The following SCTR variants were observed in gnomAD, a reference collection of about 807,000 sequenced individuals.
The protein encoded by SCTR is pancreatic secretin receptor.
SCTR carries 56 observed loss-of-function variants against 60.8 expected under a neutral mutation model. The observed-to-expected ratio is 0.92, with a 90% CI of 0.74 to 1.15. SCTR has a LOEUF of 1.15. SCTR is among the 50% of genes most tolerant of loss of function. The pLI is 0.00. For synonymous variants in SCTR, 202 were observed against 217.0 expected, an observed-to-expected ratio of 0.93 and a Z score of 0.61; for missense variants, 562 against 550.4, an observed-to-expected ratio of 1.02 and a Z score of -0.21.
Position 119,524,327 on chromosome 2 carries a change from G to C in SCTR, c.-101C>G, listed in dbSNP as rs942890385. 1.3e-6 allele frequency: 1 copy of C among 751,536 alleles called. No individual in the cohort carries two copies. Among genetic ancestry groups the C allele is most frequent in the Non-Finnish European group, 1.9e-6 (1 of 529,500 alleles). 46.6% of individuals were successfully genotyped at this position (751,536 alleles called of 1,614,324 possible). A position where few individuals can be genotyped will look rare whatever the true frequency, so the allele number is the denominator to read the frequency against. On this transcript the variant is annotated 5_prime_UTR_variant, in exon 1 of 13. Transcript: ENST00000019103. ...CCGCGCAGGGTCCCGGGCTCCGGCC[G>C]GCCGCTGCGCCCCGAGGAGCCATGG... is the stretch of plus-strand genomic sequence containing the variant.
intron 2 of SCTR, among the ~76,000 whole-genome samples, chr2:119,481,682 T>C (rs1358532975): frequency 2.0e-5 from 3 of 152,278 alleles, no homozygotes; most frequent in Middle Eastern, 3.4e-3. Flanking sequence ...TGGGTACAGA[T>C]GCCTCCCCCA....
rs149586070 is a variant in SCTR, at chr2:119,476,317, C to T, written c.301+2494G>A. The T allele has an allele frequency of 5.3e-3, 805 of 152,352 alleles. 7 individuals are homozygous for T. The highest frequency in any genetic ancestry group is 8.6e-3 in the Non-Finnish European group (588 of 68,078). The allele number at this position is 152,352 out of a possible 1,614,324, so 9.4% of individuals were successfully genotyped here. ...GACCTGTGCTCTTGGGCCACCCACC[C>T]CCAGGCTGGGTATGAACAACGTGGC... is the stretch of plus-strand genomic sequence containing the variant. On this transcript the variant is annotated intron_variant, in intron 3 of 12. Transcript: ENST00000019103.
chr2:119,503,186 A>G (rs1319001156), intron 1 of SCTR, among the ~76,000 whole-genome samples: 3 of 151,656 alleles, frequency 2.0e-5, no homozygotes, highest in South Asian at 2.1e-4. Flanking sequence ...AATAGAAAAG[A>G]AAAAGGAAAA....
At chr2:119,495,330 AT>A (rs1243186349) in intron 1 of SCTR, 5 of 152,236 alleles carry the variant, frequency 3.3e-5, no homozygotes, top group African/African-American at 1.2e-4. Flanking sequence ...AGAGCGCATA[AT>A]CACACCTAGA....
intron 2 of SCTR, among the ~76,000 whole-genome samples, chr2:119,481,599 C>A (rs1677604441): frequency 6.6e-6 from 1 of 152,216 alleles, no homozygotes; most frequent in Non-Finnish European, 1.5e-5. Context: ...AGGAGCAATT[C>A]ACAGAGAGTG....
intron 1 of SCTR, among the ~76,000 whole-genome samples, chr2:119,504,017 G>A (rs1678648049): frequency 6.6e-6 from 1 of 152,100 alleles, no homozygotes; most frequent in Non-Finnish European, 1.5e-5. Flanking sequence ...ATTTTAAGAT[G>A]TATTATACAG....
intron 4 of SCTR, among the ~76,000 whole-genome samples, chr2:119,466,764 T>TAC (rs1683851003): frequency 6.6e-6 from 1 of 151,088 alleles, no homozygotes; most frequent in Non-Finnish European, 1.5e-5. Context: ...TAAATAAATA[T>TAC]ATACATACAT....
At chr2:119,472,335 A>G (rs1677059500) in intron 4 of SCTR, among the ~76,000 whole-genome samples, 2 of 152,214 alleles carry the variant, frequency 1.3e-5, no homozygotes, top group Admixed American at 6.5e-5. Flanking sequence ...ATCAGTCAAG[A>G]AAAGAGAGGA....
At chr2:119,448,425 C>T in intron 10 of SCTR, among the ~76,000 whole-genome samples, 1 of 152,170 alleles carries the variant, frequency 6.6e-6, no homozygotes, top group East Asian at 1.9e-4. Context: ...CATGTGGAGA[C>T]TCCCTAGCCT....
At chr2:119,468,400 C>T (rs1573840934) in intron 4 of SCTR, among the ~76,000 whole-genome samples, 1 of 152,148 alleles carries the variant, frequency 6.6e-6, no homozygotes, top group Non-Finnish European at 1.5e-5. Context: ...GGTTCCAAAC[C>T]CGGACTGTGA....
At chr2:119,516,387 A>T (rs1249398634) in intron 1 of SCTR, among the ~76,000 whole-genome samples, 1 of 152,240 alleles carries the variant, frequency 6.6e-6, no homozygotes, top group Non-Finnish European at 1.5e-5. Flanking sequence ...AGTCAGCTTT[A>T]AAAAAGGAGA....
In SCTR at chr2:119,522,086, G is replaced by A. The variant is rs140112137; in HGVS notation, c.72+2069C>T. Reference sequence around the variant, plus strand: ...GAGGCAGGCAGGTCACCTGAGGTCAGGAGTTTCAGACCAGCCTGACCAACA... The same window carrying A: ...GAGGCAGGCAGGTCACCTGAGGTCAAGAGTTTCAGACCAGCCTGACCAACA... On this transcript the variant is annotated intron_variant, in intron 1 of 12. Coordinates refer to ENST00000019103, the MANE Select transcript of SCTR (RefSeq NM_002980.3). Among the ~76,000 whole-genome samples the A allele has an allele frequency of 2.3e-3, 344 of 152,300 alleles. 1 individual carries two copies. Among genetic ancestry groups the A allele is most frequent in the Middle Eastern group, 0.01 (3 of 294 alleles).
At chr2:119,461,715 A>C (rs1213757657) in intron 7 of SCTR, 132 bp downstream of exon 7, 1 of 446,006 alleles carries the variant, frequency 2.2e-6, no homozygotes, top group Non-Finnish European at 3.4e-6. Context: ...CCAACTCAAA[A>C]AAAAAAAAAA....
intron 5 of SCTR, 43 bp from the exon 6 acceptor site, chr2:119,464,298 G>C: frequency 6.2e-7 from 1 of 1,611,496 alleles, no homozygotes; most frequent in South Asian, 1.1e-5. Context: ...AGAGCCTGAG[G>C]GGCTGGGACT....
At chr2:119,499,976 T>A (rs142321683) in intron 1 of SCTR, among the ~76,000 whole-genome samples, 71 of 152,084 alleles carry the variant, frequency 4.7e-4, no homozygotes, top group African/African-American at 1.6e-3. Context: ...TACATATACA[T>A]AAGACACTCA....
chr2:119,446,803 T>C lies in SCTR; in HGVS notation c.1096A>G (p.Met366Val). The change falls in exon 11 of 13, where the codon ATG (methionine) becomes GTG (valine). Residue 366 changes from methionine to valine, a missense_variant. Physicochemically the swap from Met to Val is conservative, Grantham distance 21 (BLOSUM62 1). Coordinates refer to ENST00000019103, the MANE Select transcript of SCTR (RefSeq NM_002980.3). ...IVFAFSPEDAMEIQLFFELAL... is the reference protein window; with the variant it reads ...IVFAFSPEDAVEIQLFFELAL... ...AGTTCAAAAAACAGCTGGATCTCCA[T>C]AGCGTCCTCTGGGGAGAAGGCGAAG... 1.3e-6 allele frequency: 2 copies of C among 1,575,580 alleles called. No individual in the cohort carries two copies. Among genetic ancestry groups the C allele is most frequent in the Non-Finnish European group, 1.7e-6 (2 of 1,159,566 alleles).
At chr2:119,483,434 T>G (rs2920694) in intron 2 of SCTR, among the ~76,000 whole-genome samples, 1 of 152,240 alleles carries the variant, frequency 6.6e-6, no homozygotes, top group Admixed American at 6.5e-5. Flanking sequence ...AGGCTGGCCT[T>G]GGTGGCAGCA....
intron 11 of SCTR, among the ~76,000 whole-genome samples, chr2:119,444,506 T>A (rs1030322669): frequency 1.8e-4 from 14 of 79,180 alleles, no homozygotes; most frequent in African/African-American, 9.2e-4. Context: ...TATACGTACG[T>A]ATATATATAC....
chr2:119,446,868 G>C lies in SCTR; in HGVS notation c.1031C>G (p.Thr344Ser). The stretch of plus-strand genomic sequence containing the variant: ...GCCAAAGAGGGGGATCAGCAGGAGA[G>C]TGGACCTGGCCAGGCGCCTGGGGAC... ...VSHYKRLARS[T>S]LLLIPLFGIH... is the part of the protein sequence containing the mutation. Residue 344 changes from threonine to serine, a missense_variant, in exon 11 of 13, where the codon ACT (threonine) becomes AGT (serine). Physicochemically the swap from Thr to Ser is moderately conservative, Grantham distance 58 (BLOSUM62 1). Transcript: ENST00000019103. The C allele has an allele frequency of 1.9e-6, 3 of 1,560,386 alleles. No individual in the cohort carries two copies. Among genetic ancestry groups the C allele is most frequent in the Non-Finnish European group, 2.6e-6 (3 of 1,152,036 alleles).
Sources: gnomAD v4.1 joint callset for allele counts (sites outside exome capture counted in the v4.1 genomes callset) on GRCh38, gnomAD v4.1.1 for gene constraint, MANE v1.5 for transcripts, NCBI Gene and HGNC (gene_info 2026-07-23, HGNC 2026-07-21) for gene names.